CHN2: variants seen among roughly 807,000 people sequenced by gnomAD.
CHN2 encodes beta-chimaerin.
CHN2 carries 35 observed loss-of-function variants against 56.3 expected under a neutral mutation model. That is an observed-to-expected ratio of 0.62 (90% CI 0.47 to 0.82). The LOEUF (loss-of-function observed/expected upper bound fraction) is 0.82. CHN2 is among the 40% of genes least tolerant of loss of function. The pLI is 0.00. For synonymous variants in CHN2, 210 were observed against 212.8 expected (o/e 0.99, Z 0.12); for missense variants, 491 against 580.5 (o/e 0.85, Z 1.58).
chr7:29,443,245 T>G (rs928380576), intron 6 of CHN2, among the ~76,000 whole-genome samples: 12 of 152,082 alleles, frequency 7.9e-5, no homozygotes, highest in Admixed American at 1.3e-4. Context: ...CGGCCCAATT[T>G]CATTGAATTT....
At chr7:29,450,838 C>T (rs1784355427) in intron 6 of CHN2, among the ~76,000 whole-genome samples, 1 of 151,208 alleles carries the variant, frequency 6.6e-6, no homozygotes, top group African/African-American at 2.4e-5. Flanking sequence ...GTGGTGTAAT[C>T]TTGGCTCACT....
At chr7:29,165,888 C>A (rs1216509903) in intron 2 of CHN2, among the ~76,000 whole-genome samples, 1 of 152,094 alleles carries the variant, frequency 6.6e-6, no homozygotes, top group Admixed American at 6.5e-5. Flanking sequence ...TTGAGATAAA[C>A]CTTTTATTTG....
intron 7 of CHN2, among the ~76,000 whole-genome samples, chr7:29,492,981 T>G (rs183926673): frequency 7.9e-5 from 12 of 152,358 alleles, no homozygotes; most frequent in Admixed American, 2.6e-4. Context: ...CTCTTTTGTT[T>G]TCTGCTCCCT....
At chr7:29,351,210 G>A (rs924215053) in intron 1 of CHN2, among the ~76,000 whole-genome samples, 1 of 151,802 alleles carries the variant, frequency 6.6e-6, no homozygotes, top group African/African-American at 2.4e-5. Flanking sequence ...ACATTGGGAG[G>A]TTCTTTAAAA....
intron 1 of CHN2, among the ~76,000 whole-genome samples, chr7:29,248,221 A>C (rs1021293512): frequency 2.0e-5 from 3 of 152,190 alleles, no homozygotes; most frequent in African/African-American, 4.8e-5. Flanking sequence ...CAGTGGTCCT[A>C]GCAGCTGGTG....
rs115083255 is a variant in CHN2, at chr7:29,499,388, G to A, written c.740-479G>A. 2.2e-3 allele frequency among the ~76,000 whole-genome samples: 334 copies of A among 152,246 alleles called. 3 individuals are homozygous for A. The highest frequency in any genetic ancestry group is 7.5e-3 in the African/African-American group (310 of 41,552). On this transcript the variant is annotated intron_variant, in intron 8 of 12. Coordinates refer to ENST00000222792, the MANE Select transcript of CHN2 (RefSeq NM_004067.4). ...AAAGGGGAAGAGGATACCAATGGTC[G>A]TGGGCTTCTCAAAGCAAAGATTAGA...
At chr7:29,477,245 T>C (rs1427347925) in intron 6 of CHN2, among the ~76,000 whole-genome samples, 1 of 152,188 alleles carries the variant, frequency 6.6e-6, no homozygotes, top group Non-Finnish European at 1.5e-5. Context: ...GGGAATAGTG[T>C]TGGTTCCTTC....
chr7:29,207,109 G>A (rs146166700), intron 1 of CHN2, among the ~76,000 whole-genome samples: 99 of 152,294 alleles, frequency 6.5e-4, no homozygotes, highest in African/African-American at 1.9e-3. Flanking sequence ...TAGGGTGTGC[G>A]ATTTATAGCT....
At chr7:29,449,972 G>A (rs1784290952) in intron 6 of CHN2, among the ~76,000 whole-genome samples, 2 of 152,154 alleles carry the variant, frequency 1.3e-5, no homozygotes, top group African/African-American at 4.8e-5. Flanking sequence ...TTAATTTGTG[G>A]TTAGTCAGTA....
intron 7 of CHN2, among the ~76,000 whole-genome samples, chr7:29,491,367 TA>T (rs1356737921): frequency 6.6e-6 from 1 of 152,194 alleles, no homozygotes; most frequent in Non-Finnish European, 1.5e-5. Context: ...CCCTGCTTTT[TA>T]TTGGTTTAAT....
Position 29,234,431 on chromosome 7 carries a change from A to C in CHN2, c.49+39441A>C, listed in dbSNP as rs148400231. The stretch of plus-strand genomic sequence containing the variant: ...AATAATTCAGTGCACAAAATCATAA[A>C]ATTTAATGGGGCCCATAAACCTCAC... On this transcript the variant is annotated intron_variant, in intron 1 of 12. Coordinates refer to ENST00000222792, the MANE Select transcript of CHN2 (RefSeq NM_004067.4). 6.8e-3 allele frequency among the ~76,000 whole-genome samples: 1,030 copies of C among 152,258 alleles called. 10 individuals are homozygous for C. Among genetic ancestry groups the C allele is most frequent in the African/African-American group, 0.023 (974 of 41,542 alleles).
chr7:29,188,086 A>G (rs573427394), intron 2 of CHN2, among the ~76,000 whole-genome samples: 34 of 152,304 alleles, frequency 2.2e-4, no homozygotes, highest in African/African-American at 7.7e-4. Context: ...GATGAAAATT[A>G]CTTTTGCATC....
chr7:29,232,278 CTCTT>C (rs1786775427), intron 1 of CHN2, among the ~76,000 whole-genome samples: 1 of 143,122 alleles, frequency 7.0e-6, no homozygotes, highest in Non-Finnish European at 1.5e-5. Flanking sequence ...TCTTTTCTTA[CTCTT>C]TCTTTCAGTC....
intron 1 of CHN2, among the ~76,000 whole-genome samples, chr7:29,242,535 C>G (rs372327511): frequency 6.6e-6 from 1 of 151,884 alleles, no homozygotes; most frequent in Non-Finnish European, 1.5e-5. Flanking sequence ...CAGTTTTTTA[C>G]GCATTTTTTT....
At position 29,476,856 on chromosome 7, in the gene CHN2, G is replaced by A. The variant is rs1270641081; in HGVS notation, c.577-3423G>A. Among the ~76,000 whole-genome samples, 10 of 152,254 alleles carry A rather than the reference G, an allele frequency of 6.6e-5. No homozygotes were observed. The East Asian group carries it at 9.7e-4, about 15-fold the overall frequency. ...GATTATCTGGCCCAAAAGACCATTC[G>A]TTCCAGTGAGAATCCCTGGTTCAAA... On this transcript the variant is annotated intron_variant, in intron 6 of 12. Transcript: ENST00000222792.
At chr7:29,430,066 A>G (rs1226363274) in intron 6 of CHN2, among the ~76,000 whole-genome samples, 2 of 152,366 alleles carry the variant, frequency 1.3e-5, no homozygotes, top group East Asian at 3.9e-4. Flanking sequence ...CACGCTTTGC[A>G]TAGGATATAT....
chr7:29,316,605 G>A (rs1214859479), intron 1 of CHN2, among the ~76,000 whole-genome samples: 2 of 152,186 alleles, frequency 1.3e-5, no homozygotes, highest in Non-Finnish European at 2.9e-5. Flanking sequence ...ACTAGCCTAT[G>A]TGTTATGGAT....
At chr7:29,369,606 G>A (rs1799445943) in intron 3 of CHN2, among the ~76,000 whole-genome samples, 1 of 152,138 alleles carries the variant, frequency 6.6e-6, no homozygotes, top group African/African-American at 2.4e-5. Context: ...AAAAGAGAGA[G>A]ATAGAGAGAA....
intron 7 of CHN2, among the ~76,000 whole-genome samples, chr7:29,490,699 T>C (rs181153844): frequency 6.6e-6 from 1 of 152,368 alleles, no homozygotes; most frequent in African/African-American, 2.4e-5. Context: ...ATTTGGTTTC[T>C]TGTCTTTCCA....
Sources: allele counts gnomAD v4.1 joint callset (sites outside exome capture counted in the v4.1 genomes callset), GRCh38; gene constraint gnomAD v4.1.1; transcripts MANE v1.5; gene names NCBI Gene and HGNC (gene_info 2026-07-23, HGNC 2026-07-21).